MGAT4C: variants seen among roughly 807,000 people sequenced by gnomAD.
The protein encoded by MGAT4C is alpha-1,3-mannosyl-glycoprotein 4-beta-N-acetylglucosaminyltransferase C.
Under a neutral mutation model 40.1 loss-of-function variants are expected in MGAT4C, and 19 were observed. That is an observed-to-expected ratio of 0.47 (90% CI 0.33 to 0.70). The LOEUF (loss-of-function observed/expected upper bound fraction) is 0.70. MGAT4C is among the 30% of genes least tolerant of loss of function. The pLI is 0.02. For missense variants in MGAT4C, 491 were observed against 563.2 expected, an observed-to-expected ratio of 0.87 and a Z score of 1.30; for synonymous variants, 181 against 187.1, an observed-to-expected ratio of 0.97 and a Z score of 0.27.
chr12:86,588,760 G>C (rs1256141923), intron 2 of MGAT4C, among the ~76,000 whole-genome samples: 1 of 151,830 alleles, frequency 6.6e-6, no homozygotes, highest in South Asian at 2.1e-4. Context: ...ACTCAAAACC[G>C]CTCAACTACA....
chr12:86,295,598 A>G (rs898166254), intron 4 of MGAT4C, among the ~76,000 whole-genome samples: 1 of 152,140 alleles, frequency 6.6e-6, no homozygotes, highest in Non-Finnish European at 1.5e-5. Flanking sequence ...CAGGTTGCCA[A>G]TGCTGGCTCT....
Position 86,015,773 on chromosome 12 carries a change from C to G in MGAT4C, c.-6-26221G>C, listed in dbSNP as rs763514545. 2.6e-5 allele frequency: 4 copies of G among 152,164 alleles called. No individual in the cohort carries two copies. The South Asian group carries it at 8.3e-4, about 32-fold the overall frequency. 9.4% of individuals were successfully genotyped at this position (152,164 alleles called of 1,614,324 possible). A position where few individuals can be genotyped will look rare whatever the true frequency, so the allele number is the denominator to read the frequency against. On this transcript the variant is annotated intron_variant, in intron 2 of 4. Transcript: ENST00000611864. ...ATTTAGTGCCTTGCTTGTATATAAT[C>G]TCACATATTTTGTAAATGCAAAGCA...
chr12:86,824,731 C>A (rs1159198791), intron 1 of MGAT4C, among the ~76,000 whole-genome samples: 3 of 111,532 alleles, frequency 2.7e-5, no homozygotes, highest in Admixed American at 2.2e-4. Flanking sequence ...TTTAGACAGC[C>A]AGGCCAAAAA....
intron 3 of MGAT4C, among the ~76,000 whole-genome samples, chr12:86,341,608 G>C (rs1003128429): frequency 1.3e-5 from 2 of 152,180 alleles, no homozygotes; most frequent in Non-Finnish European, 2.9e-5. Flanking sequence ...ACTCCCCTAA[G>C]AAGGATCTCC....
intron 1 of MGAT4C, among the ~76,000 whole-genome samples, chr12:86,745,447 A>G (rs574414932): frequency 6.6e-6 from 1 of 151,760 alleles, no homozygotes; most frequent in South Asian, 2.1e-4. Flanking sequence ...TATAATGTTG[A>G]CTTTGCATTT....
At chr12:86,302,452 G>A (rs1333955022) in intron 4 of MGAT4C, among the ~76,000 whole-genome samples, 2 of 150,492 alleles carry the variant, frequency 1.3e-5, no homozygotes, top group South Asian at 2.1e-4. Flanking sequence ...TTTTCGAGAC[G>A]GAGTCTCATT....
Position 85,976,005 on chromosome 12 carries a change from C to A in MGAT4C, c.*3284G>T, listed in dbSNP as rs721829. 6.6e-6 allele frequency: 1 copy of A among 150,874 alleles called. No individual in the cohort carries two copies. Among genetic ancestry groups the A allele is most frequent in the South Asian group, 2.1e-4 (1 of 4,822 alleles). The allele number at this position is 150,874 out of a possible 1,614,324, so 9.3% of individuals were successfully genotyped here. On this transcript the variant is annotated 3_prime_UTR_variant, in exon 5 of 5. Coordinates refer to ENST00000611864, the MANE Select transcript of MGAT4C (RefSeq NM_001351288.2). ...AAACTTGTTGACAAATTGGCAAATA[C>A]TGACATGAAATATGCCAATATTTGA...
intron 2 of MGAT4C, among the ~76,000 whole-genome samples, chr12:86,457,274 C>A (rs1180291201): frequency 6.6e-6 from 1 of 152,034 alleles, no homozygotes; most frequent in Non-Finnish European, 1.5e-5. Context: ...TATTATTTTT[C>A]ATTATTTAAC....
At chr12:86,052,117 C>T (rs1265440695) in intron 1 of MGAT4C, among the ~76,000 whole-genome samples, 3 of 151,140 alleles carry the variant, frequency 2.0e-5, no homozygotes, top group Non-Finnish European at 4.4e-5. Context: ...AATCAGGTTG[C>T]CATAATAAGA....
At position 86,028,732 on chromosome 12, in the gene MGAT4C, A is replaced by T. The variant is rs138359405; in HGVS notation, c.-7+20942T>A. Among the ~76,000 whole-genome samples the T allele has an allele frequency of 3.5e-4, 53 of 152,020 alleles. 1 individual carries two copies. The East Asian group carries it at 9.9e-3, about 28-fold the overall frequency. On this transcript the variant is annotated intron_variant, in intron 2 of 4. Coordinates refer to ENST00000611864, the MANE Select transcript of MGAT4C (RefSeq NM_001351288.2). ...TCTGTCAGCTATGTTGTGTGGAAAA[A>T]TCAGGTTAGGTTTTGATCCTGGTTC...
intron 1 of MGAT4C, among the ~76,000 whole-genome samples, chr12:86,220,009 A>G (rs756638238): frequency 2.0e-5 from 3 of 152,144 alleles, no homozygotes; most frequent in Non-Finnish European, 2.9e-5. Context: ...GGTTTTTGGA[A>G]TTAGCACCAG....
intron 1 of MGAT4C, among the ~76,000 whole-genome samples, chr12:86,077,783 G>A (rs1376008495): frequency 6.6e-6 from 1 of 152,028 alleles, no homozygotes; most frequent in Non-Finnish European, 1.5e-5. Flanking sequence ...ATTCCCTAAT[G>A]GATCTCCTGT....
chr12:85,961,887 TTAA>T lies in MGAT4C; in HGVS notation c.*17399_*17401del, dbSNP rs1410201337. On this transcript the variant is annotated 3_prime_UTR_variant, in exon 5 of 5. Coordinates refer to ENST00000611864, the MANE Select transcript of MGAT4C (RefSeq NM_001351288.2). Reference sequence around the variant, plus strand: ...TAAGGTTATTCTGTGACGATGGAACTTAATGATGTAAGAGTTAATTACCCATTG... The same window carrying T: ...TAAGGTTATTCTGTGACGATGGAACTTGATGTAAGAGTTAATTACCCATTG... 1 of 151,864 alleles carries T rather than the reference TTAA, an allele frequency of 6.6e-6. No individual in the cohort carries two copies. The allele number at this position is 151,864 out of a possible 1,614,324, so 9.4% of individuals were successfully genotyped here.
chr12:86,774,283 CTT>C (rs1555227737), intron 1 of MGAT4C, among the ~76,000 whole-genome samples: 2 of 16,934 alleles, frequency 1.2e-4, no homozygotes, highest in Non-Finnish European at 3.8e-4. Flanking sequence ...AAGGCTTGCT[CTT>C]TCTTTCTTTC....
intron 1 of MGAT4C, among the ~76,000 whole-genome samples, chr12:86,774,207 C>A (rs934347039): frequency 6.6e-6 from 1 of 151,892 alleles, no homozygotes; most frequent in South Asian, 2.1e-4. Flanking sequence ...GTCCACCTGG[C>A]CTCCTAAAGT....
At chr12:86,171,538 T>C (rs945809725) in intron 1 of MGAT4C, among the ~76,000 whole-genome samples, 8 of 152,124 alleles carry the variant, frequency 5.3e-5, no homozygotes, top group Non-Finnish European at 1.0e-4. Context: ...AAAACAAGCA[T>C]AACAGGAGTT....
intron 2 of MGAT4C, among the ~76,000 whole-genome samples, chr12:86,581,458 C>T (rs1271438592): frequency 6.6e-6 from 1 of 151,394 alleles, no homozygotes; most frequent in Non-Finnish European, 1.5e-5. Context: ...AGGGATGGTA[C>T]TGTTTCCTGC....
chr12:86,699,420 A>G (rs1287275267), intron 2 of MGAT4C, among the ~76,000 whole-genome samples: 1 of 152,144 alleles, frequency 6.6e-6, no homozygotes, highest in African/African-American at 2.4e-5. Flanking sequence ...TTGATGATAA[A>G]CCGATACATA....
intron 3 of MGAT4C, among the ~76,000 whole-genome samples, chr12:86,393,245 A>T (rs1317534810): frequency 2.6e-5 from 4 of 152,182 alleles, no homozygotes; most frequent in Non-Finnish European, 4.4e-5. Flanking sequence ...TGCTTTGGTG[A>T]AAAAGTACAG....
Sources: gnomAD v4.1 joint callset for allele counts (sites outside exome capture counted in the v4.1 genomes callset) on GRCh38, gnomAD v4.1.1 for gene constraint, MANE v1.5 for transcripts, NCBI Gene and HGNC (gene_info 2026-07-23, HGNC 2026-07-21) for gene names.